CEP126: variants seen among roughly 807,000 people sequenced by gnomAD.
CEP126 encodes the protein centrosomal protein 126, also known as centrosomal protein of 126 kDa.
In CEP126, 74 loss-of-function variants were observed where a neutral mutation model predicts 107.8. That is an observed-to-expected ratio of 0.69 (90% confidence interval 0.57 to 0.83). The LOEUF (loss-of-function observed/expected upper bound fraction) is 0.83. Ranked by LOEUF, CEP126 falls within the 40% of genes least tolerant of loss-of-function variation. The pLI is 0.00. For missense variants in CEP126, 1,237 were observed against 1,281.9 expected (o/e 0.96, Z 0.53); for synonymous variants, 449 against 446.0 (o/e 1.01, Z -0.08).
chr11:101,976,693 A>G (rs967606098), intron 6 of CEP126, among the ~76,000 whole-genome samples: 3 of 152,180 alleles, frequency 2.0e-5, no homozygotes, highest in African/African-American at 7.2e-5. Context: ...TTTGTACATA[A>G]TGTTCTTTCT....
intron 10 of CEP126, among the ~76,000 whole-genome samples, chr11:101,993,912 T>C (rs1941413806): frequency 6.6e-6 from 1 of 152,218 alleles, no homozygotes; most frequent in Non-Finnish European, 1.5e-5. Flanking sequence ...GTTTCTTGCT[T>C]GTTAATTCAT....
At chr11:101,970,982 AT>A (rs1351058479) in intron 6 of CEP126, among the ~76,000 whole-genome samples, 2 of 151,782 alleles carry the variant, frequency 1.3e-5, no homozygotes, top group Admixed American at 1.3e-4. Flanking sequence ...TCTTCATTTT[AT>A]TTTTTTTCTG....
chr11:101,935,224 A>G (rs1437546458), intron 2 of CEP126, among the ~76,000 whole-genome samples: 3 of 151,940 alleles, frequency 2.0e-5, no homozygotes, highest in Non-Finnish European at 2.9e-5. Flanking sequence ...AGATATATAT[A>G]TAGATATCTA....
chr11:101,918,658 G>A (rs976295782), intron 1 of CEP126, among the ~76,000 whole-genome samples: 1 of 152,138 alleles, frequency 6.6e-6, no homozygotes, highest in Non-Finnish European at 1.5e-5. Context: ...TATGCCTTTT[G>A]TCCTCATATC....
intron 6 of CEP126, among the ~76,000 whole-genome samples, chr11:101,977,302 T>A (rs1453135845): frequency 2.0e-5 from 3 of 152,002 alleles, no homozygotes; most frequent in Non-Finnish European, 4.4e-5. Context: ...TTTTGATCTG[T>A]GATTTTGCAA....
intron 4 of CEP126, among the ~76,000 whole-genome samples, chr11:101,951,837 AG>A (rs1335226126): frequency 6.6e-6 from 1 of 152,240 alleles, no homozygotes; most frequent in Non-Finnish European, 1.5e-5. Context: ...TGAGAGGCCA[AG>A]GCTCTAGAAA....
chr11:101,976,197 A>G (rs1236338418), intron 6 of CEP126, among the ~76,000 whole-genome samples: 1 of 152,242 alleles, frequency 6.6e-6, no homozygotes, highest in Non-Finnish European at 1.5e-5. Flanking sequence ...GATTCCCACC[A>G]GCAGCATTTA....
intron 2 of CEP126, among the ~76,000 whole-genome samples, chr11:101,935,278 G>A (rs1024903731): frequency 4.6e-5 from 7 of 151,682 alleles, no homozygotes; most frequent in African/African-American, 7.3e-5. Flanking sequence ...GATTTATATT[G>A]TAAGTATTTT....
chr11:101,977,889 G>T (rs77492467), intron 6 of CEP126, among the ~76,000 whole-genome samples: 1 of 152,082 alleles, frequency 6.6e-6, no homozygotes, highest in African/African-American at 2.4e-5. Context: ...AACCTCTCAC[G>T]CTTGGAATTT....
intron 2 of CEP126, among the ~76,000 whole-genome samples, chr11:101,926,401 A>G (rs1268898744): frequency 6.6e-6 from 1 of 152,246 alleles, no homozygotes; most frequent in African/African-American, 2.4e-5. Flanking sequence ...AATATGTGGA[A>G]GAGTATCAGG....
intron 6 of CEP126, 138 bp downstream of exon 6, chr11:101,964,018 C>T: frequency 1.5e-6 from 1 of 646,426 alleles, no homozygotes; most frequent in Admixed American, 3.2e-5. Context: ...AAATAACTTA[C>T]CTCCAGGCCA....
intron 6 of CEP126, among the ~76,000 whole-genome samples, chr11:101,964,648 AAC>A (rs1491167639): frequency 1.3e-4 from 19 of 140,986 alleles, no homozygotes; most frequent in South Asian, 2.4e-4. Context: ...AAAAAAAAAA[AAC>A]AACAACAACA....
At chr11:101,933,019 A>G (rs1219713940) in intron 2 of CEP126, among the ~76,000 whole-genome samples, 2 of 152,328 alleles carry the variant, frequency 1.3e-5, no homozygotes, top group Middle Eastern at 3.4e-3. Flanking sequence ...TTAAGCATCT[A>G]CCAGGTACAA....
In CEP126 at chr11:101,962,288, G is replaced by A; in HGVS notation, c.1253G>A (p.Ser418Asn). The A allele has an allele frequency of 1.2e-6, 2 of 1,613,644 alleles. No individual in the cohort carries two copies. Among genetic ancestry groups the A allele is most frequent in the Non-Finnish European group, 1.7e-6 (2 of 1,179,818 alleles). ...ACTGAGAGCCCAACATTTAAATTTA[G>A]CAAATCCCAAAGCACTTCAGATTCT... ...LVTESPTFKF[S>N]KSQSTSDSLT... Residue 418 changes from serine to asparagine, a missense_variant, in exon 6 of 11, where the codon AGC (serine) becomes AAC (asparagine). Ser to Asn is a conservative substitution (Grantham distance 46). This residue lies in a region of CEP126 where 1,134 missense variants were observed against 1,150.5 expected (regional missense o/e 0.99). Coordinates refer to ENST00000263468, the MANE Select transcript of CEP126 (RefSeq NM_020802.4).
intron 6 of CEP126, among the ~76,000 whole-genome samples, chr11:101,971,811 G>GA (rs755277585): frequency 6.6e-6 from 1 of 152,140 alleles, no homozygotes; most frequent in Non-Finnish European, 1.5e-5. Context: ...TTTAGAAATA[G>GA]AAAATCACCA....
intron 2 of CEP126, among the ~76,000 whole-genome samples, chr11:101,934,957 C>T (rs904899504): frequency 6.6e-6 from 1 of 151,914 alleles, no homozygotes; most frequent in African/African-American, 2.4e-5. Flanking sequence ...GTATGTTTAA[C>T]CATATAAGAA....
intron 9 of CEP126, among the ~76,000 whole-genome samples, chr11:101,988,443 G>T (rs1591295790): frequency 1.3e-5 from 2 of 152,100 alleles, no homozygotes; most frequent in Admixed American, 6.6e-5. Flanking sequence ...AGGTCTGAAA[G>T]GCTAAGACAA....
At chr11:101,974,113 C>G (rs959877534) in intron 6 of CEP126, among the ~76,000 whole-genome samples, 6 of 151,862 alleles carry the variant, frequency 4.0e-5, no homozygotes, top group African/African-American at 1.5e-4. Flanking sequence ...AAGGCAGATA[C>G]CTGTTTTGAT....
chr11:101,963,573 A>C lies in CEP126; in HGVS notation c.2538A>C (p.Thr846=), dbSNP rs563879747. The change falls in exon 6 of 11, where the codon ACA becomes ACC. Residue 846 remains threonine (T), a synonymous_variant. Coordinates refer to ENST00000263468, the MANE Select transcript of CEP126 (RefSeq NM_020802.4). ...NSFNSKHVLP[T]EHSLNQWNQE... ...TTAATTCAAAACATGTGCTTCCAAC[A>C]GAACACAGTTTGAATCAGTGGAATC... is the stretch of plus-strand genomic sequence containing the variant. The C allele has an allele frequency of 6.2e-6, 10 of 1,614,214 alleles. No homozygotes were observed. The South Asian group carries it at 1.1e-4, about 18-fold the overall frequency.
Sources: allele counts gnomAD v4.1 joint callset (sites outside exome capture counted in the v4.1 genomes callset), GRCh38; gene constraint gnomAD v4.1.1; regional missense constraint gnomAD v4.1.1; transcripts MANE v1.5; gene names NCBI Gene and HGNC (gene_info 2026-07-23, HGNC 2026-07-21).